The following VSX1 variants were observed in gnomAD, a reference collection of about 807,000 sequenced individuals.
VSX1 encodes visual system homeobox 1.
Under a neutral mutation model 23.6 loss-of-function variants are expected in VSX1, and 23 were observed. The ratio of observed to expected loss-of-function variants is 0.97; its 90% CI spans 0.70 to 1.38. The LOEUF (loss-of-function observed/expected upper bound fraction) is 1.38, where lower values mean the gene tolerates loss of function less well. Among genes scored for constraint, VSX1 ranks in the 40% most tolerant of loss-of-function variants. The pLI, the probability that VSX1 is intolerant of heterozygous loss-of-function variation, is 0.00. For synonymous variants in VSX1, 247 were observed against 215.1 expected (o/e 1.15, Z -1.30); for missense variants, 517 against 495.4 (o/e 1.04, Z -0.41).
At position 25,076,297 on chromosome 20, in the gene VSX1, C is replaced by T; in HGVS notation, c.1062G>A (p.Leu354=). 1 of 1,614,230 alleles carries T rather than the reference C, an allele frequency of 6.2e-7. No homozygotes were observed. Among genetic ancestry groups the T allele is most frequent in the East Asian group, 2.2e-5 (1 of 44,874 alleles). The change falls in exon 5 of 5, where the codon CTG becomes CTA. Residue 354 remains leucine, a synonymous_variant. Coordinates refer to ENST00000376709, the MANE Select transcript of VSX1 (RefSeq NM_014588.6). ...GAQGGSNSTA[L]EGPQPGKVGA... is the part of the protein sequence containing the mutation. ...CCACCTTCCCTGGCTGGGGCCCCTC[C>T]AGTGCCGTGGAGTTGGAGCCTCCTT...
chr20:25,073,026 TG>T (rs1319922991), downstream of VSX1, among the ~76,000 whole-genome samples: 2 of 152,198 alleles, frequency 1.3e-5, no homozygotes, highest in African/African-American at 4.8e-5. Flanking sequence ...TCTGACGTGC[TG>T]GGGGATTTGA....
intron 1 of VSX1, among the ~76,000 whole-genome samples, chr20:25,080,734 C>T (rs759973486): frequency 5.3e-5 from 8 of 152,174 alleles, no homozygotes; most frequent in Non-Finnish European, 8.8e-5. Flanking sequence ...TTTAGTGACA[C>T]TAATAGGGAG....
At chr20:25,073,695 C>G (rs533325931), downstream of VSX1, among the ~76,000 whole-genome samples, 75 of 152,318 alleles carry the variant, frequency 4.9e-4, no homozygotes, top group African/African-American at 1.8e-3. Flanking sequence ...TGGGGGTTTA[C>G]TCCTTGATGA....
chr20:25,078,210 G>C (rs1186892622), intron 3 of VSX1, among the ~76,000 whole-genome samples: 3 of 152,176 alleles, frequency 2.0e-5, no homozygotes. Context: ...AGTGTTTCCT[G>C]CTTTTTCTCA....
At chr20:25,073,606 G>C (rs1026302451), downstream of VSX1, among the ~76,000 whole-genome samples, 1 of 152,212 alleles carries the variant, frequency 6.6e-6, no homozygotes, top group African/African-American at 2.4e-5. Flanking sequence ...CTGCCCACCT[G>C]GCTGGTGATG....
At chr20:25,078,081 G>A in intron 3 of VSX1, 1 of 616,176 alleles carries the variant, frequency 1.6e-6, no homozygotes, top group Non-Finnish European at 2.8e-6. Context: ...GGACTCACGG[G>A]CATTCAACGC....
At chr20:25,072,037 A>G (rs1433083632), downstream of VSX1, 6 of 619,448 alleles carry the variant, frequency 9.7e-6, no homozygotes, top group Admixed American at 2.9e-5. Context: ...CAGGGAGAGT[A>G]TTTCACAACA....
intron 1 of VSX1, 134 bp downstream of exon 1, chr20:25,081,539 G>A: frequency 7.4e-7 from 1 of 1,353,830 alleles, no homozygotes; most frequent in Non-Finnish European, 1.0e-6. Flanking sequence ...TCCCGCGACG[G>A]GGCCTCGCTC....
chr20:25,071,729 A>G (rs1177147294), downstream of VSX1: 2 of 683,972 alleles, frequency 2.9e-6, no homozygotes, highest in Non-Finnish European at 5.3e-6. Context: ...AAAAGAACAC[A>G]CTGAACTTGG....
At chr20:25,074,152 A>G (rs148017008), downstream of VSX1, among the ~76,000 whole-genome samples, 33 of 152,320 alleles carry the variant, frequency 2.2e-4, no homozygotes, top group Middle Eastern at 0.01. Flanking sequence ...CTTCCTCAGA[A>G]ACTGAGCCAA....
Position 25,075,932 on chromosome 20 carries a change from T to C in VSX1, c.*329A>G. Reference sequence around the variant, plus strand: ...CTAACCTATTCATCTATACAGTACATTGAACCACACATCTCAAATGATGCC... The same window carrying C: ...CTAACCTATTCATCTATACAGTACACTGAACCACACATCTCAAATGATGCC... On this transcript the variant is annotated 3_prime_UTR_variant, in exon 5 of 5. Transcript: ENST00000376709. The C allele has an allele frequency of 2.5e-6, 1 of 406,562 alleles. No individual in the cohort carries two copies. Among genetic ancestry groups the C allele is most frequent in the South Asian group, 2.2e-5 (1 of 45,048 alleles). The allele number at this position is 406,562 out of a possible 1,614,324, so 25.2% of individuals were successfully genotyped here.
At chr20:25,072,623 T>C, downstream of VSX1, 1 of 471,214 alleles carries the variant, frequency 2.1e-6, no homozygotes, top group South Asian at 1.5e-5. Flanking sequence ...TTCATTTCTC[T>C]GCAGCCCAAT....
downstream of VSX1, among the ~76,000 whole-genome samples, chr20:25,072,890 C>T (rs1352114748): frequency 2.6e-5 from 4 of 152,188 alleles, no homozygotes; most frequent in Admixed American, 2.0e-4. Flanking sequence ...TTTCCAAATT[C>T]GCCTTACTAA....
intron 3 of VSX1, 161 bp downstream of exon 3, chr20:25,078,668 T>C: frequency 6.3e-7 from 1 of 1,590,750 alleles, no homozygotes; most frequent in South Asian, 1.1e-5. Flanking sequence ...ATGAGGGTCA[T>C]AGGGGCAAGC....
chr20:25,071,347 C>CTGTA (rs992397140), downstream of VSX1: 1 of 453,884 alleles, frequency 2.2e-6, no homozygotes, highest in Non-Finnish European at 4.4e-6. Context: ...GTGGCTCACG[C>CTGTA]TGTAATCCTA....
At chr20:25,071,328 G>A (rs756281308), downstream of VSX1, 13 of 453,940 alleles carry the variant, frequency 2.9e-5, no homozygotes, top group Non-Finnish European at 4.4e-6. Flanking sequence ...AGTTGGAGTA[G>A]CTGGGGCAGT....
Position 25,077,942 on chromosome 20 carries a change from T to A in VSX1, c.628-77A>T. On this transcript the variant is annotated intron_variant, in intron 3 of 4. Coordinates refer to ENST00000376709, the MANE Select transcript of VSX1 (RefSeq NM_014588.6). ...GGCGCCTGGAGGAGCGGAGGCGGCGTCCCAGGGCTCGGATCTTCTCTCCCG... is the reference window on the plus strand; with the variant it reads ...GGCGCCTGGAGGAGCGGAGGCGGCGACCCAGGGCTCGGATCTTCTCTCCCG... The A allele has an allele frequency of 3.3e-6, 5 of 1,500,086 alleles. No homozygotes were observed. In the South Asian group the frequency reaches 6.0e-5, roughly 18 times the overall value. 92.9% of individuals were successfully genotyped at this position (1,500,086 alleles called of 1,614,324 possible).
downstream of VSX1, chr20:25,071,470 T>C: frequency 2.2e-6 from 1 of 449,782 alleles, no homozygotes; most frequent in Non-Finnish European, 4.4e-6. Flanking sequence ...GACCCTGCCC[T>C]AACACTCAGG....
downstream of VSX1, chr20:25,071,851 G>T (rs1157196390): frequency 7.0e-6 from 5 of 715,612 alleles, no homozygotes; most frequent in East Asian, 1.3e-4. Flanking sequence ...AAATCGGCAT[G>T]CTTCCTGAGG....
Sources: gnomAD v4.1 joint callset for allele counts (sites outside exome capture counted in the v4.1 genomes callset) on GRCh38, gnomAD v4.1.1 for gene constraint, MANE v1.5 for transcripts, NCBI Gene and HGNC (gene_info 2026-07-23, HGNC 2026-07-21) for gene names.